The following LYST variants were observed in gnomAD, a reference collection of about 807,000 sequenced individuals.
LYST encodes the protein lysosomal trafficking regulator.
Under a neutral mutation model 413.6 loss-of-function variants are expected in LYST, and 192 were observed. That is an observed-to-expected ratio of 0.46 (90% CI 0.41 to 0.52). LYST has a LOEUF of 0.52. Ranked by LOEUF, LYST falls within the 20% of genes least tolerant of loss-of-function variation. LYST has a pLI of 0.00. For missense variants in LYST, 3,815 were observed against 4,499.9 expected (o/e 0.85, Z 4.35); for synonymous variants, 1,525 against 1,567.3 (o/e 0.97, Z 0.64).
At chr1:235,761,163 A>G (rs1210654477) in intron 22 of LYST, among the ~76,000 whole-genome samples, 1 of 152,234 alleles carries the variant, frequency 6.6e-6, no homozygotes, top group African/African-American at 2.4e-5. Flanking sequence ...TTATTATAAA[A>G]GAGCATAAAA....
intron 30 of LYST, among the ~76,000 whole-genome samples, chr1:235,741,918 T>C (rs556698325): frequency 9.2e-5 from 14 of 152,322 alleles, no homozygotes; most frequent in African/African-American, 2.4e-4. Context: ...CAATGGAATA[T>C]TATTCATCCT....
intron 34 of LYST, among the ~76,000 whole-genome samples, chr1:235,731,556 A>ATTT (rs61633038): frequency 2.2e-4 from 27 of 121,446 alleles, no homozygotes; most frequent in East Asian, 1.1e-3. Flanking sequence ...CCCATTTTGC[A>ATTT]TTTTTTTTTT....
At chr1:235,825,199 T>A (rs1675197264) in intron 3 of LYST, among the ~76,000 whole-genome samples, 1 of 152,152 alleles carries the variant, frequency 6.6e-6, no homozygotes, top group Non-Finnish European at 1.5e-5. Flanking sequence ...GGAAGAAAAT[T>A]CCCTCATTCT....
At chr1:235,849,627 C>T (rs1301307045) in intron 1 of LYST, among the ~76,000 whole-genome samples, 1 of 151,996 alleles carries the variant, frequency 6.6e-6, no homozygotes, top group African/African-American at 2.4e-5. Context: ...CCTAAGGACT[C>T]CTCTAGAAAG....
In LYST at chr1:235,791,705, C is replaced by G. The variant is rs1671015290; in HGVS notation, c.4537G>C (p.Gly1513Arg). The change falls in exon 12 of 53, where the codon GGT becomes CGT. Residue 1513 changes from glycine (G) to arginine (R), a missense_variant. Gly to Arg is a moderately radical substitution (Grantham distance 125). This residue lies in a region of LYST where 1,648 missense variants were observed against 1,810.3 expected (regional missense o/e 0.91). Transcript: ENST00000389793. ...GATAATCCTGTCATCATACCTGTAC[C>G]ATCAAAACTGCTATCTGGTAAAATT... is the stretch of plus-strand genomic sequence containing the variant. ...SLILPDSSFD[G>R]TESDRPEGAE... 1 of 1,608,532 alleles carries G rather than the reference C, an allele frequency of 6.2e-7. No homozygotes were observed. Among genetic ancestry groups the G allele is most frequent in the Non-Finnish European group, 8.5e-7 (1 of 1,176,064 alleles).
Position 235,733,685 on chromosome 1 carries a change from A to C in LYST, c.8619T>G (p.Phe2873Leu), listed in dbSNP as rs746005251. The change falls in exon 34 of 53, where the codon TTT becomes TTG. Residue 2873 changes from phenylalanine to leucine, a missense_variant. By Grantham distance (22) the Phe-to-Leu change is conservative. Transcript: ENST00000389793. ...CCTTTGATTTTGAATCCAGACGCTG[A>C]AAGAGACTAAACAAATAATAAGATT... Reference protein sequence around the residue: ...KTVNNNQQSLFQRLDSKSKDI... With the variant: ...KTVNNNQQSLLQRLDSKSKDI... 6.2e-7 allele frequency: 1 copy of C among 1,611,838 alleles called. No individual in the cohort carries two copies. The highest frequency in any genetic ancestry group is 8.5e-7 in the Non-Finnish European group (1 of 1,178,012).
chr1:235,728,050 A>G (rs1397656363), intron 38 of LYST, 26 bp downstream of exon 38: 1 of 1,558,174 alleles, frequency 6.4e-7, no homozygotes, highest in Non-Finnish European at 8.9e-7. Flanking sequence ...AGATTTATGT[A>G]AATACAGACT....
chr1:235,800,979 A>G lies in LYST; in HGVS notation c.3831T>C (p.Asn1277=), dbSNP rs1672150746. 1.2e-6 allele frequency: 2 copies of G among 1,613,668 alleles called. No homozygotes were observed. Among genetic ancestry groups the G allele is most frequent in the Non-Finnish European group, 8.5e-7 (1 of 1,179,798 alleles). Residue 1277 remains asparagine, a synonymous_variant, in exon 9 of 53, where the codon AAT becomes AAC. Transcript: ENST00000389793. ...IYPEICMLEL[N]LLSASKAKLD... is the part of the protein sequence containing the mutation. Reference sequence around the variant, plus strand: ...GTTTGGCTTTACTAGCAGAAAGCAAATTTAATTCCAGCATACAAATCTCAG... The same window carrying G: ...GTTTGGCTTTACTAGCAGAAAGCAAGTTTAATTCCAGCATACAAATCTCAG...
chr1:235,862,171 T>C (rs1558357769), intron 1 of LYST, among the ~76,000 whole-genome samples: 1 of 152,214 alleles, frequency 6.6e-6, no homozygotes, highest in Non-Finnish European at 1.5e-5. Flanking sequence ...TGATATGATA[T>C]GACTGACATA....
chr1:235,860,986 T>C (rs569115004), intron 1 of LYST, among the ~76,000 whole-genome samples: 5 of 152,296 alleles, frequency 3.3e-5, no homozygotes, highest in East Asian at 1.9e-4. Flanking sequence ...TTTTTCGTGC[T>C]GTGTAATTAT....
chr1:235,784,550 G>A (rs1670212753), intron 14 of LYST, among the ~76,000 whole-genome samples: 1 of 152,108 alleles, frequency 6.6e-6, no homozygotes, highest in Non-Finnish European at 1.5e-5. Flanking sequence ...TCAGAGTTTA[G>A]GTTAAACTTT....
Position 235,703,054 on chromosome 1 carries a change from C to A in LYST, c.10144-77G>T, listed in dbSNP as rs1314034547. On this transcript the variant is annotated intron_variant, in intron 44 of 52. Coordinates refer to ENST00000389793, the MANE Select transcript of LYST (RefSeq NM_000081.4). The stretch of plus-strand genomic sequence containing the variant: ...TTGACAATAATACCAAAGGGAAAAA[C>A]AACACTTTGTTTTATATTCTAGGTT... 2.8e-6 allele frequency: 3 copies of A among 1,065,726 alleles called. No individual in the cohort carries two copies. The Admixed American group carries it at 5.1e-5, about 18-fold the overall frequency. 66.0% of individuals were successfully genotyped at this position (1,065,726 alleles called of 1,614,324 possible).
At chr1:235,822,455 GCAGATAACCTGTCTAATTCACAAGTTTCT>G in intron 3 of LYST, among the ~76,000 whole-genome samples, 1 of 152,296 alleles carries the variant, frequency 6.6e-6, no homozygotes, top group Non-Finnish European at 1.5e-5. Context: ...CATATGCGGA[GCAGATAACCTGTCTAATTCACAAGTTTCT>G]CAATCAAGAA....
chr1:235,814,648 G>A (rs530378924), intron 3 of LYST, among the ~76,000 whole-genome samples: 8 of 152,208 alleles, frequency 5.3e-5, no homozygotes, highest in African/African-American at 1.7e-4. Context: ...CTTAACTAAC[G>A]GCTTTAATGG....
At chr1:235,770,106 A>G in intron 20 of LYST, 54 bp downstream of exon 20, 1 of 1,569,980 alleles carries the variant, frequency 6.4e-7, no homozygotes, top group East Asian at 2.2e-5. Flanking sequence ...TGTTCATAGT[A>G]TTATTAAACA....
chr1:235,864,556 A>G (rs1680272368), intron 1 of LYST, among the ~76,000 whole-genome samples: 1 of 152,154 alleles, frequency 6.6e-6, no homozygotes, highest in Non-Finnish European at 1.5e-5. Context: ...CCGGATTGGT[A>G]TCCCAGCTTC....
intron 43 of LYST, 78 bp downstream of exon 43, chr1:235,711,979 G>A (rs949881681): frequency 2.5e-6 from 3 of 1,198,974 alleles, no homozygotes; most frequent in Non-Finnish European, 2.3e-6. Flanking sequence ...ACTTAAAAAA[G>A]CTATTTTCAT....
At chr1:235,796,640 A>C (rs546532056) in intron 10 of LYST, among the ~76,000 whole-genome samples, 31 of 152,282 alleles carry the variant, frequency 2.0e-4, no homozygotes, top group African/African-American at 7.5e-4. Context: ...GTCTGCCCTC[A>C]TGGGTGTGAT....
intron 20 of LYST, among the ~76,000 whole-genome samples, chr1:235,768,779 T>C (rs1407965137): frequency 6.6e-6 from 1 of 152,018 alleles, no homozygotes; most frequent in Non-Finnish European, 1.5e-5. Context: ...TATTTCAAAA[T>C]GGACATGCGA....
Sources: gnomAD v4.1 joint callset for allele counts (sites outside exome capture counted in the v4.1 genomes callset) on GRCh38, gnomAD v4.1.1 for gene constraint, gnomAD v4.1.1 regional missense constraint, MANE v1.5 for transcripts, NCBI Gene and HGNC (gene_info 2026-07-23, HGNC 2026-07-21) for gene names.